ATXN7L1: variants seen among roughly 807,000 people sequenced by gnomAD.
ATXN7L1 encodes the protein ataxin-7-like protein 1.
Under a neutral mutation model 70.8 loss-of-function variants are expected in ATXN7L1, and 15 were observed. The ratio of observed to expected loss-of-function variants is 0.21; its 90% confidence interval spans 0.14 to 0.33. ATXN7L1 has a LOEUF of 0.33. Ranked by LOEUF, ATXN7L1 falls within the 10% of genes least tolerant of loss-of-function variation. The probability of loss-of-function intolerance (pLI) is 1.00; values close to 1 mark genes in which losing one functional copy is unlikely to be tolerated. For synonymous variants in ATXN7L1, 440 were observed against 445.1 expected (o/e 0.99, Z 0.14); for missense variants, 975 against 1,097.1 (o/e 0.89, Z 1.57).
chr7:105,687,932 A>C (rs1241492426), intron 3 of ATXN7L1, among the ~76,000 whole-genome samples: 1 of 152,206 alleles, frequency 6.6e-6, no homozygotes, highest in African/African-American at 2.4e-5. Context: ...ATACAAAGAA[A>C]AGAGCCATTC....
chr7:105,820,905 T>C (rs902380681), intron 2 of ATXN7L1, among the ~76,000 whole-genome samples: 2 of 152,222 alleles, frequency 1.3e-5, no homozygotes, highest in African/African-American at 2.4e-5. Flanking sequence ...CCATGTGACA[T>C]GCCTGTTCCT....
At chr7:105,849,840 G>A (rs1226742443) in intron 2 of ATXN7L1, among the ~76,000 whole-genome samples, 1 of 152,222 alleles carries the variant, frequency 6.6e-6, no homozygotes, top group Admixed American at 6.5e-5. Context: ...GAGTTGCCCT[G>A]ATGGGCTGGC....
At chr7:105,824,943 T>TA (rs972488260) in intron 2 of ATXN7L1, among the ~76,000 whole-genome samples, 6 of 142,762 alleles carry the variant, frequency 4.2e-5, no homozygotes, top group Admixed American at 7.0e-5. Flanking sequence ...AACAAAAAAA[T>TA]AAAAAAAACA....
chr7:105,638,553 G>C lies in ATXN7L1; in HGVS notation c.1002C>G (p.Leu334=). 1 of 1,552,088 alleles carries C rather than the reference G, an allele frequency of 6.4e-7. No individual in the cohort carries two copies. Residue 334 remains leucine, a synonymous_variant, in exon 7 of 12, where the codon CTC becomes CTG. Coordinates refer to ENST00000419735, the MANE Select transcript of ATXN7L1 (RefSeq NM_020725.2). ...AVPGRKKQFD[L]LLAEHKAKSR... ...ACTTTGCTTTGTGTTCTGCCAGGAG[G>C]AGGTCAAATTGCTTTTTCCGGCCTG...
intron 3 of ATXN7L1, chr7:105,761,444 C>A: frequency 1.9e-6 from 3 of 1,614,098 alleles, no homozygotes; most frequent in Admixed American, 3.3e-5. Flanking sequence ...CTTCATTTCT[C>A]CTGTTGTCTT....
chr7:105,723,604 G>C (rs1419112442), intron 3 of ATXN7L1, among the ~76,000 whole-genome samples: 3 of 152,068 alleles, frequency 2.0e-5, no homozygotes, highest in Non-Finnish European at 4.4e-5. Context: ...TTAAGATGAG[G>C]CTGCCCACCC....
At chr7:105,803,874 G>T (rs1280657716) in intron 2 of ATXN7L1, among the ~76,000 whole-genome samples, 1 of 152,176 alleles carries the variant, frequency 6.6e-6, no homozygotes, top group African/African-American at 2.4e-5. Context: ...TGCTTGATTT[G>T]CCTCTCCAGT....
At chr7:105,731,596 G>C (rs536254031) in intron 3 of ATXN7L1, among the ~76,000 whole-genome samples, 4 of 150,742 alleles carry the variant, frequency 2.7e-5, no homozygotes, top group Non-Finnish European at 4.4e-5. Flanking sequence ...CACCACGCCC[G>C]GCTAATTTTT....
chr7:105,785,294 C>T (rs1021992439), intron 3 of ATXN7L1, among the ~76,000 whole-genome samples: 9 of 152,156 alleles, frequency 5.9e-5, no homozygotes, highest in African/African-American at 1.7e-4. Flanking sequence ...GGCAAAACCC[C>T]GTCTTTACTA....
intron 4 of ATXN7L1, among the ~76,000 whole-genome samples, chr7:105,663,279 C>A (rs1425863583): frequency 6.6e-6 from 1 of 152,216 alleles, no homozygotes; most frequent in Non-Finnish European, 1.5e-5. Flanking sequence ...CCAAGGAGAA[C>A]AAAGCTTGCC....
chr7:105,657,660 G>A (rs1287786209), intron 4 of ATXN7L1, among the ~76,000 whole-genome samples: 2 of 123,480 alleles, frequency 1.6e-5, no homozygotes, highest in African/African-American at 6.4e-5. Flanking sequence ...TTGCACCACT[G>A]TACTCCAGCC....
At chr7:105,721,149 C>A (rs930514058) in intron 3 of ATXN7L1, among the ~76,000 whole-genome samples, 2 of 152,170 alleles carry the variant, frequency 1.3e-5, no homozygotes, top group South Asian at 4.1e-4. Flanking sequence ...CCTGACTGGA[C>A]TCACAGGGCC....
At chr7:105,735,377 C>T (rs1797265007) in intron 3 of ATXN7L1, among the ~76,000 whole-genome samples, 1 of 152,134 alleles carries the variant, frequency 6.6e-6, no homozygotes. Context: ...GGAAGCTCAT[C>T]CCTATTAACA....
intron 3 of ATXN7L1, among the ~76,000 whole-genome samples, chr7:105,727,744 G>GTATATATA (rs1205624280): frequency 3.2e-5 from 1 of 31,732 alleles, no homozygotes; most frequent in Non-Finnish European, 4.9e-5. Context: ...GTGTGTATGT[G>GTATATATA]TGTATATATA....
At chr7:105,674,210 G>A (rs1198656334) in intron 3 of ATXN7L1, among the ~76,000 whole-genome samples, 2 of 152,194 alleles carry the variant, frequency 1.3e-5, no homozygotes, top group East Asian at 3.9e-4. Context: ...TGACAAATAT[G>A]AGTGTGGGCC....
chr7:105,619,495 C>CATGCATATATAT (rs1554388657), intron 9 of ATXN7L1, among the ~76,000 whole-genome samples: 1 of 27,646 alleles, frequency 3.6e-5, no homozygotes, highest in African/African-American at 1.5e-4. Context: ...CAAACAGAAG[C>CATGCATATATAT]ATATATATAT....
chr7:105,766,770 C>G (rs1801313635), intron 3 of ATXN7L1, among the ~76,000 whole-genome samples: 1 of 152,254 alleles, frequency 6.6e-6, no homozygotes, highest in African/African-American at 2.4e-5. Context: ...GGAAGAGAAT[C>G]AAAAGATGAC....
chr7:105,760,977 G>T, intron 3 of ATXN7L1: 1 of 209,542 alleles, frequency 4.8e-6, no homozygotes, highest in Non-Finnish European at 8.4e-6. Context: ...TTTACTTTTA[G>T]CTTAAGAGCA....
At chr7:105,686,100 A>G (rs758362033) in intron 3 of ATXN7L1, among the ~76,000 whole-genome samples, 2 of 151,722 alleles carry the variant, frequency 1.3e-5, no homozygotes, top group Non-Finnish European at 2.9e-5. Context: ...TAGTTTCCCA[A>G]CTTCCAGGGG....
Sources: gnomAD v4.1 joint callset for allele counts (sites outside exome capture counted in the v4.1 genomes callset) on GRCh38, gnomAD v4.1.1 for gene constraint, MANE v1.5 for transcripts, NCBI Gene and HGNC (gene_info 2026-07-23, HGNC 2026-07-21) for gene names.